Variants in ASB1 observed in about 807,000 individuals in gnomAD.
ASB1 encodes the protein ankyrin repeat and SOCS box containing 1.
Under a neutral mutation model 27.7 loss-of-function variants are expected in ASB1, and 18 were observed. That is an observed-to-expected ratio of 0.65 (90% confidence interval 0.45 to 0.96). The LOEUF is 0.96. Among genes scored for constraint, ASB1 ranks in the 50% least tolerant of loss-of-function variants. The pLI, the probability that ASB1 is intolerant of heterozygous loss-of-function variation, is 0.00. For synonymous variants in ASB1, 189 were observed against 187.6 expected (o/e 1.01, Z -0.06); for missense variants, 397 against 451.7 (o/e 0.88, Z 1.10).
intron 1 of ASB1, among the ~76,000 whole-genome samples, chr2:238,430,578 A>G (rs1033477070): frequency 3.3e-5 from 5 of 152,218 alleles, no homozygotes; most frequent in Admixed American, 2.0e-4. Context: ...ATGAATCACA[A>G]ATGTTCTAAA....
chr2:238,435,751 C>T lies in ASB1; in HGVS notation c.232C>T (p.Pro78Ser). The change falls in exon 3 of 5, where the codon CCC becomes TCC. Residue 78 changes from proline (P) to serine (S), a missense_variant. Pro to Ser is a moderately conservative substitution (Grantham distance 74). Transcript: ENST00000264607. ...GTCTGTCTGGTGCTGTGGCTGGCTC[C>T]CCTGCACACCGTTGCGAATCGCGGC... ...EKSVWCCGWLPCTPLRIAATA... is the reference protein window; with the variant it reads ...EKSVWCCGWLSCTPLRIAATA... 6.2e-7 allele frequency: 1 copy of T among 1,614,082 alleles called. No homozygotes were observed. Among genetic ancestry groups the T allele is most frequent in the Non-Finnish European group, 8.5e-7 (1 of 1,180,008 alleles).
Position 238,427,009 on chromosome 2 carries a change from G to C in ASB1, c.-62G>C. ...TCGGCGCCGGAAGTGGTCGCGGGTC[G>C]TTCTGCTTCCTGCCCGAGGGGCGTG... is the stretch of plus-strand genomic sequence containing the variant. On this transcript the variant is annotated 5_prime_UTR_variant, in exon 1 of 5. Coordinates refer to ENST00000264607, the MANE Select transcript of ASB1 (RefSeq NM_001040445.3). The C allele has an allele frequency of 8.2e-7, 1 of 1,217,470 alleles. No individual in the cohort carries two copies. Among genetic ancestry groups the C allele is most frequent in the Non-Finnish European group, 1.0e-6 (1 of 973,912 alleles). 75.4% of individuals were successfully genotyped at this position (1,217,470 alleles called of 1,614,324 possible). A position where few individuals can be genotyped will look rare whatever the true frequency, so the allele number is the denominator to read the frequency against.
chr2:238,446,563 G>A lies in ASB1; in HGVS notation c.*52G>A, dbSNP rs1311102534. The A allele has an allele frequency of 4.7e-5, 76 of 1,602,984 alleles. No homozygotes were observed. The highest frequency in any genetic ancestry group is 6.1e-5 in the Non-Finnish European group (72 of 1,176,852). ...TGAGGGAGAAAGTGATCTGCAGGGA[G>A]GTGGACACCGAGCCCTGAGTGCTGT... On this transcript the variant is annotated 3_prime_UTR_variant, in exon 5 of 5. Coordinates refer to ENST00000264607, the MANE Select transcript of ASB1 (RefSeq NM_001040445.3).
At chr2:238,427,263 G>A (rs1701776027) in intron 1 of ASB1, 144 bp downstream of exon 1, 2 of 547,510 alleles carry the variant, frequency 3.7e-6, no homozygotes, top group East Asian at 3.7e-5. Context: ...GCAGGCCGGG[G>A]GTGGGGTTCA....
intron 1 of ASB1, among the ~76,000 whole-genome samples, chr2:238,431,510 T>C (rs2106402520): frequency 6.6e-6 from 1 of 152,362 alleles, no homozygotes; most frequent in Non-Finnish European, 1.5e-5. Context: ...GCACTTTTAA[T>C]TTCCCTCAAG....
chr2:238,439,133 T>G (rs2106406969), intron 3 of ASB1, among the ~76,000 whole-genome samples: 1 of 152,350 alleles, frequency 6.6e-6, no homozygotes, highest in Non-Finnish European at 1.5e-5. Flanking sequence ...TTTCCTTTGC[T>G]TAATTGGTTG....
chr2:238,426,962 C>T lies in ASB1; in HGVS notation c.-109C>T, dbSNP rs1017113083. 9 of 909,644 alleles carry T rather than the reference C, an allele frequency of 9.9e-6. No individual in the cohort carries two copies. The highest frequency in any genetic ancestry group is 8.6e-5 in the African/African-American group (5 of 57,836). 56.3% of individuals were successfully genotyped at this position (909,644 alleles called of 1,614,324 possible). A position where few individuals can be genotyped will look rare whatever the true frequency, so the allele number is the denominator to read the frequency against. On this transcript the variant is annotated 5_prime_UTR_variant, in exon 1 of 5. Transcript: ENST00000264607. ...GCGCGCGCCCGCCGGAAGCCGCGACCCCGACGCGCCCCCCATTGCCCTCGG... is the reference window on the plus strand; with the variant it reads ...GCGCGCGCCCGCCGGAAGCCGCGACTCCGACGCGCCCCCCATTGCCCTCGG...
chr2:238,439,983 A>G (rs986585163), intron 3 of ASB1, among the ~76,000 whole-genome samples: 3 of 152,184 alleles, frequency 2.0e-5, no homozygotes, highest in South Asian at 2.1e-4. Flanking sequence ...ATATTATCCA[A>G]TGAGTTATAA....
rs1381684640 is a variant in ASB1, at chr2:238,435,495, A to G, written c.192-216A>G. Among the ~76,000 whole-genome samples the G allele has an allele frequency of 2.0e-5, 3 of 152,202 alleles. No individual in the cohort carries two copies. The East Asian group carries it at 5.8e-4, about 29-fold the overall frequency. On this transcript the variant is annotated intron_variant, in intron 2 of 4. Transcript: ENST00000264607. ...TGCTGATCATTCTGCAGGTGCCTTG[A>G]GTTTCCTGTCTCTGGAATGGGGCTC...
intron 3 of ASB1, 75 bp from the exon 4 acceptor site, chr2:238,444,266 GA>G: frequency 6.6e-7 from 1 of 1,510,732 alleles, no homozygotes; most frequent in Non-Finnish European, 8.9e-7. Flanking sequence ...GTGGCTGTGG[GA>G]TTTGTTGGAT....
rs1272308481 is a variant in ASB1 at position 238,450,538 on chromosome 2, G to A, written c.*4027G>A. 6.6e-6 allele frequency: 1 copy of A among 152,242 alleles called. No individual in the cohort carries two copies. Among genetic ancestry groups the A allele is most frequent in the African/African-American group, 2.4e-5 (1 of 41,468 alleles). The allele number at this position is 152,242 out of a possible 1,614,324, so 9.4% of individuals were successfully genotyped here. On this transcript the variant is annotated 3_prime_UTR_variant, in exon 5 of 5. Transcript: ENST00000264607. ...CACGGAACCGCAGTCTAGCTGTGGT[G>A]CATGTTTACGTATTGGTGAGAAATT...
chr2:238,428,393 C>T (rs778365900), intron 1 of ASB1, among the ~76,000 whole-genome samples: 2 of 152,234 alleles, frequency 1.3e-5, no homozygotes, highest in Admixed American at 1.3e-4. Flanking sequence ...GGGGTTCAAG[C>T]GATGCTCTGG....
chr2:238,442,917 C>G (rs1490540221), intron 3 of ASB1, among the ~76,000 whole-genome samples: 1 of 152,162 alleles, frequency 6.6e-6, no homozygotes, highest in African/African-American at 2.4e-5. Context: ...TGTTCACATA[C>G]CAGTGCCACA....
rs1161248590 is a variant in ASB1, at chr2:238,448,301, G to T, written c.*1790G>T. ...TAGGACAAAAATTGGGCTGTGGCTG[G>T]GGCAGGAGCTATAGGGAGTTAAGGA... On this transcript the variant is annotated 3_prime_UTR_variant, in exon 5 of 5. Transcript: ENST00000264607. 1 of 152,534 alleles carries T rather than the reference G, an allele frequency of 6.6e-6. No homozygotes were observed. Among genetic ancestry groups the T allele is most frequent in the African/African-American group, 2.4e-5 (1 of 41,466 alleles). The allele number at this position is 152,534 out of a possible 1,614,324, so 9.4% of individuals were successfully genotyped here. A position where few individuals can be genotyped will look rare whatever the true frequency, so the allele number is the denominator to read the frequency against.
chr2:238,439,050 C>G (rs908188830), intron 3 of ASB1, among the ~76,000 whole-genome samples: 4 of 151,952 alleles, frequency 2.6e-5, no homozygotes, highest in Admixed American at 1.3e-4. Flanking sequence ...TCATATTGCC[C>G]AAAATTACAA....
Position 238,444,495 on chromosome 2 carries a change from G to A in ASB1, c.648G>A (p.Ala216=), listed in dbSNP as rs1231346421. 5.6e-6 allele frequency: 9 copies of A among 1,614,028 alleles called. No homozygotes were observed. Among genetic ancestry groups the A allele is most frequent in the African/African-American group, 2.7e-5 (2 of 74,916 alleles). ...TCCGGCTGCTCCTCCTGGCTGGCGC[G>A]AACCCTGACTTCAACTGCAATGGTC... The part of the protein sequence containing the change: ...QCFRLLLLAG[A]NPDFNCNGPV... Residue 216 remains alanine, a synonymous_variant, in exon 4 of 5, where the codon GCG becomes GCA. Transcript: ENST00000264607.
intron 1 of ASB1, among the ~76,000 whole-genome samples, chr2:238,432,652 T>A (rs1701892952): frequency 6.6e-6 from 1 of 152,246 alleles, no homozygotes; most frequent in African/African-American, 2.4e-5. Context: ...CCTTCATAGT[T>A]GCCCAGTATT....
chr2:238,444,771 T>A, intron 4 of ASB1, 44 bp downstream of exon 4: 2 of 1,531,666 alleles, frequency 1.3e-6, no homozygotes, highest in Non-Finnish European at 1.7e-6. Flanking sequence ...CTGGGTTGAT[T>A]GAATGAATCA....
Position 238,451,522 on chromosome 2 carries a change from T to C in ASB1, c.*5011T>C, listed in dbSNP as rs1184987966. The C allele has an allele frequency of 6.6e-6, 1 of 152,628 alleles. No homozygotes were observed. The highest frequency in any genetic ancestry group is 1.5e-5 in the Non-Finnish European group (1 of 68,216). 9.5% of individuals were successfully genotyped at this position (152,628 alleles called of 1,614,324 possible). On this transcript the variant is annotated 3_prime_UTR_variant, in exon 5 of 5. Coordinates refer to ENST00000264607, the MANE Select transcript of ASB1 (RefSeq NM_001040445.3). Reference sequence around the variant, plus strand: ...TCTTTGCTGTTGGGCATGTGAGGCATGACTTGGAGGGGGGCCTGGTGCCTG... The same window carrying C: ...TCTTTGCTGTTGGGCATGTGAGGCACGACTTGGAGGGGGGCCTGGTGCCTG...
Sources: gnomAD v4.1 joint callset for allele counts (sites outside exome capture counted in the v4.1 genomes callset) on GRCh38, gnomAD v4.1.1 for gene constraint, MANE v1.5 for transcripts, NCBI Gene and HGNC (gene_info 2026-07-23, HGNC 2026-07-21) for gene names.